SYNE2: variants seen among roughly 807,000 people sequenced by gnomAD.
SYNE2 encodes nesprin-2.
A neutral mutation model predicts 856.3 loss-of-function variants in SYNE2; 431 were observed. The ratio of observed to expected loss-of-function variants is 0.50; its 90% confidence interval spans 0.47 to 0.55. The LOEUF (loss-of-function observed/expected upper bound fraction) is 0.55. SYNE2 is among the 20% of genes least tolerant of loss of function. The pLI is 0.00. For synonymous variants in SYNE2, 2,923 were observed against 2,872.3 expected, an observed-to-expected ratio of 1.02 and a Z score of -0.56; for missense variants, 8,129 against 8,023.2, an observed-to-expected ratio of 1.01 and a Z score of -0.50.
chr14:64,151,527 A>T (rs918541049), intron 84 of SYNE2, among the ~76,000 whole-genome samples: 2 of 142,162 alleles, frequency 1.4e-5, no homozygotes, highest in East Asian at 4.1e-4. Flanking sequence ...AAAAAAAAAA[A>T]GGCTGGGATC....
chr14:63,904,378 G>C (rs1409304374), intron 1 of SYNE2, among the ~76,000 whole-genome samples: 1 of 152,142 alleles, frequency 6.6e-6, no homozygotes, highest in Non-Finnish European at 1.5e-5. Flanking sequence ...TCTGTTTTAA[G>C]TTCTTTGAGA....
At chr14:63,783,198 G>A (rs1242903004) in intron 1 of SYNE2, among the ~76,000 whole-genome samples, 1 of 152,160 alleles carries the variant, frequency 6.6e-6, no homozygotes, top group Non-Finnish European at 1.5e-5. Flanking sequence ...CGCGAGATCT[G>A]ATCGTTTTAT....
Position 64,000,582 on chromosome 14 carries a change from T to G in SYNE2, c.3501T>G (p.Asp1167Glu). The change falls in exon 28 of 116, where the codon GAT (aspartate) becomes GAG (glutamate). Residue 1167 changes from aspartate (D) to glutamate (E), a missense_variant. By Grantham distance (45) the Asp-to-Glu change is conservative. Coordinates refer to ENST00000555002, the MANE Select transcript of SYNE2 (RefSeq NM_182914.3). ...TCTAGGTCATAAAAAATGAAACTGA[T>G]GCTCGCTGGAAAGAGTTTGAAATTA... The part of the protein sequence containing the change: ...TDLQVIKNET[D>E]ARWKEFEIIS... 6.2e-7 allele frequency: 1 copy of G among 1,613,462 alleles called. No homozygotes were observed. Among genetic ancestry groups the G allele is most frequent in the Non-Finnish European group, 8.5e-7 (1 of 1,179,652 alleles).
chr14:64,077,967 G>T (rs1229136454), intron 54 of SYNE2, among the ~76,000 whole-genome samples: 3 of 152,120 alleles, frequency 2.0e-5, no homozygotes, highest in African/African-American at 7.2e-5. Context: ...TTAGAAGGTT[G>T]TTTCACCCAA....
intron 18 of SYNE2, among the ~76,000 whole-genome samples, chr14:63,985,637 A>G (rs547508471): frequency 4.7e-4 from 71 of 152,218 alleles, no homozygotes; most frequent in Non-Finnish European, 6.3e-4. Flanking sequence ...ATAAAATATT[A>G]TCTGATAGGA....
intron 99 of SYNE2, among the ~76,000 whole-genome samples, chr14:64,202,588 C>T (rs933108020): frequency 7.9e-5 from 12 of 152,206 alleles, no homozygotes; most frequent in African/African-American, 2.9e-4. Context: ...TGAAAATCAA[C>T]AGAGGCAACA....
chr14:64,221,017 C>T (rs1269833794), intron 111 of SYNE2, among the ~76,000 whole-genome samples: 1 of 152,176 alleles, frequency 6.6e-6, no homozygotes, highest in Non-Finnish European at 1.5e-5. Flanking sequence ...AGCATTGAAC[C>T]TCCTAGACCT....
intron 45 of SYNE2, among the ~76,000 whole-genome samples, chr14:64,046,415 C>T (rs980750718): frequency 6.6e-6 from 1 of 152,218 alleles, no homozygotes; most frequent in Non-Finnish European, 1.5e-5. Flanking sequence ...TGCAGTGGCA[C>T]AATCATGGCT....
At chr14:63,894,336 C>T (rs560982018) in intron 1 of SYNE2, among the ~76,000 whole-genome samples, 7 of 152,074 alleles carry the variant, frequency 4.6e-5, no homozygotes, top group South Asian at 4.2e-4. Flanking sequence ...CCTGCCTCAG[C>T]GTCTTGAGCA....
intron 34 of SYNE2, among the ~76,000 whole-genome samples, chr14:64,019,362 T>C (rs1405423215): frequency 6.6e-6 from 1 of 152,180 alleles, no homozygotes; most frequent in Non-Finnish European, 1.5e-5. Context: ...TAAAAATGTA[T>C]GCTAATGCCT....
intron 99 of SYNE2, chr14:64,190,568 C>T (rs1336638897): frequency 4.3e-6 from 3 of 700,362 alleles, no homozygotes; most frequent in East Asian, 2.7e-5. Flanking sequence ...TGTGTGTCCC[C>T]ACAGTGGAGC....
At chr14:64,106,564 G>T (rs555409178) in intron 64 of SYNE2, among the ~76,000 whole-genome samples, 18 of 152,278 alleles carry the variant, frequency 1.2e-4, no homozygotes, top group African/African-American at 3.9e-4. Flanking sequence ...CAGGAGAAGG[G>T]CGTGAACCCA....
At chr14:64,109,356 A>G (rs2097790801) in intron 65 of SYNE2, among the ~76,000 whole-genome samples, 1 of 152,014 alleles carries the variant, frequency 6.6e-6, no homozygotes, top group Non-Finnish European at 1.5e-5. Context: ...GGGATTTTAC[A>G]TATACTATCT....
chr14:64,214,267 C>G lies in SYNE2; in HGVS notation c.19130C>G (p.Ser6377Cys). 5 of 1,614,044 alleles carry G rather than the reference C, an allele frequency of 3.1e-6. No homozygotes were observed. Among genetic ancestry groups the G allele is most frequent in the East Asian group, 2.2e-5 (1 of 44,888 alleles). ...MEDPREIQTD[S>C]WRKRGESEEP... is the part of the protein sequence containing the mutation. ...GACCCCAGAGAAATCCAGACTGATT[C>G]TTGGCGTAAACGGGGAGAGAGCGAG... Residue 6377 changes from serine to cysteine, a missense_variant, in exon 106 of 116, where the codon TCT becomes TGT. Coordinates refer to ENST00000555002, the MANE Select transcript of SYNE2 (RefSeq NM_182914.3).
rs778336391 is a variant in SYNE2, at chr14:63,941,898, G to T, written c.251G>T (p.Gly84Val). 13 of 1,613,368 alleles carry T rather than the reference G, an allele frequency of 8.1e-6. No individual in the cohort carries two copies. The highest frequency in any genetic ancestry group is 1.0e-5 in the Non-Finnish European group (12 of 1,179,926). ...TGAATTTCACAGCCTCGGGATAAAGGATCTAATACCTTCCAGTGTAGAATC... is the reference window on the plus strand; with the variant it reads ...TGAATTTCACAGCCTCGGGATAAAGTATCTAATACCTTCCAGTGTAGAATC... ...LSGQQLPRDK[G>V]SNTFQCRINI... The change falls in exon 5 of 116, where the codon GGA (glycine) becomes GTA (valine). Residue 84 changes from glycine (G) to valine (V), a missense_variant. Gly to Val is a moderately radical substitution (Grantham distance 109). Transcript: ENST00000555002.
At chr14:64,071,066 A>C (rs2097402583) in intron 52 of SYNE2, among the ~76,000 whole-genome samples, 156 bp downstream of exon 52, 1 of 152,236 alleles carries the variant, frequency 6.6e-6, no homozygotes. Flanking sequence ...ATTAGTAACT[A>C]TAATTAAGCA....
intron 108 of SYNE2, among the ~76,000 whole-genome samples, chr14:64,217,513 G>C (rs1596293543): frequency 6.6e-6 from 1 of 152,206 alleles, no homozygotes. Context: ...TGGGCTGTTT[G>C]TGTCCAATTC....
At chr14:63,785,337 G>C (rs1040791160) in intron 1 of SYNE2, among the ~76,000 whole-genome samples, 2 of 151,960 alleles carry the variant, frequency 1.3e-5, no homozygotes, top group African/African-American at 4.8e-5. Flanking sequence ...GCACACCTGT[G>C]GTCCTAGCTA....
In SYNE2 at chr14:64,126,489, T is replaced by G. The variant is rs61987277; in HGVS notation, c.13707+10T>G. 2.7e-5 allele frequency: 43 copies of G among 1,614,004 alleles called. No homozygotes were observed. The African/African-American group carries it at 2.8e-4, about 11-fold the overall frequency. On this transcript the variant is annotated intron_variant, in intron 72 of 115. Coordinates refer to ENST00000555002, the MANE Select transcript of SYNE2 (RefSeq NM_182914.3). Reference sequence around the variant, plus strand: ...GCAGGTGCACTACGAGGTAGGGCACTTCTCACGAGCCCATGTGTTGGCCAT... The same window carrying G: ...GCAGGTGCACTACGAGGTAGGGCACGTCTCACGAGCCCATGTGTTGGCCAT...
Sources: allele counts gnomAD v4.1 joint callset (sites outside exome capture counted in the v4.1 genomes callset), GRCh38; gene constraint gnomAD v4.1.1; transcripts MANE v1.5; gene names NCBI Gene and HGNC (gene_info 2026-07-23, HGNC 2026-07-21).